Variants in MYH13 observed in about 807,000 individuals in gnomAD.
MYH13 encodes the protein myosin-13.
In MYH13, 177 loss-of-function variants were observed where a neutral mutation model predicts 232.1. That is an observed-to-expected ratio of 0.76 (90% confidence interval 0.67 to 0.86). MYH13 has a LOEUF of 0.86. MYH13 is among the 40% of genes least tolerant of loss of function. The pLI is 0.00. For synonymous variants in MYH13, 884 were observed against 923.5 expected, an observed-to-expected ratio of 0.96 and a Z score of 0.78; for missense variants, 2,246 against 2,405.9, an observed-to-expected ratio of 0.93 and a Z score of 1.39.
In MYH13 at chr17:10,312,173, C is replaced by T. The variant is rs1308917776; in HGVS notation, c.4366-97G>A. 2.0e-5 allele frequency: 28 copies of T among 1,367,368 alleles called. No homozygotes were observed. In the East Asian group the frequency reaches 4.0e-4, roughly 20 times the overall value. 84.7% of individuals were successfully genotyped at this position (1,367,368 alleles called of 1,614,324 possible). ...GCTGTCAGTAACACCAACGTTTTGC[C>T]CTTCCATCCTTAGGGACTGAAGAAG... is the stretch of plus-strand genomic sequence containing the variant. On this transcript the variant is annotated intron_variant, in intron 31 of 40. Transcript: ENST00000252172.
intron 21 of MYH13, among the ~76,000 whole-genome samples, chr17:10,329,962 T>G (rs1022415215): frequency 2.7e-5 from 4 of 150,150 alleles, no homozygotes; most frequent in African/African-American, 7.4e-5. Context: ...ATTGTGCCAC[T>G]GCACTCCAGC....
Position 10,306,178 on chromosome 17 carries a change from T to A in MYH13, c.5466+281A>T, listed in dbSNP as rs1906274188. On this transcript the variant is annotated intron_variant, in intron 37 of 40. Coordinates refer to ENST00000252172, the MANE Select transcript of MYH13 (RefSeq NM_003802.3). The surrounding 1 kb of genome is among the most constrained non-coding windows in gnomAD (Gnocchi z 4.3). ...AATGGAATGTGAACATTAACATACA[T>A]CATTATATTACATTTACTGAGGTGT... Among the ~76,000 whole-genome samples the A allele has an allele frequency of 6.6e-6, 1 of 151,716 alleles. No homozygotes were observed. Among genetic ancestry groups the A allele is most frequent in the African/African-American group, 2.4e-5 (1 of 41,284 alleles).
intron 22 of MYH13, 76 bp from the exon 23 acceptor site, chr17:10,324,340 A>G: frequency 1.9e-6 from 3 of 1,564,122 alleles, no homozygotes; most frequent in Admixed American, 1.8e-5. Context: ...CACCCTCTAA[A>G]AGCTTATTAT....
chr17:10,312,020 A>G lies in MYH13; in HGVS notation c.4422T>C (p.Ala1474=), dbSNP rs1906524093. 1 of 1,613,830 alleles carries G rather than the reference A, an allele frequency of 6.2e-7. No homozygotes were observed. Among genetic ancestry groups the G allele is most frequent in the Admixed American group, 1.7e-5 (1 of 59,998 alleles). ...TGCTGAGTGACCTGGACTCCTTCTG[A>G]GCAGCTTCCAACTCAGCCTGGCTTT... is the stretch of plus-strand genomic sequence containing the variant. The part of the protein sequence containing the change: ...LDESQAELEA[A]QKESRSLSTE... Residue 1474 remains alanine, a synonymous_variant, in exon 32 of 41, where the codon GCT becomes GCC. Coordinates refer to ENST00000252172, the MANE Select transcript of MYH13 (RefSeq NM_003802.3).
intron 8 of MYH13, among the ~76,000 whole-genome samples, chr17:10,356,094 T>C (rs1040741064): frequency 2.6e-5 from 4 of 152,172 alleles, no homozygotes; most frequent in Non-Finnish European, 4.4e-5. Context: ...ATCTGCTTAA[T>C]TGGTCCTCAA....
chr17:10,349,098 C>CTCTT (rs956649704), intron 12 of MYH13, among the ~76,000 whole-genome samples: 4 of 147,942 alleles, frequency 2.7e-5, no homozygotes, highest in African/African-American at 9.9e-5. Flanking sequence ...CTCTCTCTTT[C>CTCTT]TCTTTCTTTC....
chr17:10,336,085 G>A (rs1183709124), intron 18 of MYH13, among the ~76,000 whole-genome samples: 2 of 152,140 alleles, frequency 1.3e-5, no homozygotes, highest in Non-Finnish European at 2.9e-5. Flanking sequence ...GGGGGAGACT[G>A]AGGCCCAGAG....
intron 32 of MYH13, 85 bp from the exon 33 acceptor site, chr17:10,311,312 G>A (rs1906501934): frequency 4.0e-6 from 6 of 1,494,552 alleles, no homozygotes; most frequent in East Asian, 2.3e-5. Context: ...AGGGATGGGC[G>A]ATTCATTCAT....
At chr17:10,322,698 G>GGA (rs1567660812) in intron 23 of MYH13, among the ~76,000 whole-genome samples, 1 of 140,218 alleles carries the variant, frequency 7.1e-6, no homozygotes, top group Admixed American at 7.6e-5. Flanking sequence ...CAGTGGCGCA[G>GGA]TCTCAGCTCA....
rs1257496548 is a variant in MYH13 at position 10,364,505 on chromosome 17, A to C, written c.26T>G (p.Ile9Ser). ...GAGGTAGGGAGCTGCTTCTCCAAAAATGGCCATTTCTGCGTCAGAGCTCAT... is the reference window on the plus strand; with the variant it reads ...GAGGTAGGGAGCTGCTTCTCCAAAACTGGCCATTTCTGCGTCAGAGCTCAT... MSSDAEMAIFGEAAPYLRK... is the reference protein window; with the variant it reads MSSDAEMASFGEAAPYLRK... Residue 9 changes from isoleucine (I) to serine (S), a missense_variant, in exon 3 of 41, where the codon ATT (isoleucine) becomes AGT (serine). Transcript: ENST00000252172. 6.2e-7 allele frequency: 1 copy of C among 1,604,426 alleles called. No individual in the cohort carries two copies. Among genetic ancestry groups the C allele is most frequent in the South Asian group, 1.1e-5 (1 of 89,192 alleles).
chr17:10,328,179 C>G, intron 21 of MYH13, 58 bp from the exon 22 acceptor site: 2 of 1,585,048 alleles, frequency 1.3e-6, no homozygotes, highest in Non-Finnish European at 1.7e-6. Flanking sequence ...CTCTGCACCC[C>G]CAACCTGTCC....
In MYH13 at chr17:10,329,949, G is replaced by A. The variant is rs1236015701; in HGVS notation, c.2435+438C>T. ...TGGAAGCTGGAGATTGCAGTGAGCCGAGATTGTGCCACTGCACTCCAGCCT... is the reference window on the plus strand; with the variant it reads ...TGGAAGCTGGAGATTGCAGTGAGCCAAGATTGTGCCACTGCACTCCAGCCT... On this transcript the variant is annotated intron_variant, in intron 21 of 40. Coordinates refer to ENST00000252172, the MANE Select transcript of MYH13 (RefSeq NM_003802.3). 2.6e-5 allele frequency among the ~76,000 whole-genome samples: 4 copies of A among 151,496 alleles called. No homozygotes were observed. The East Asian group carries it at 5.8e-4, about 22-fold the overall frequency.
Position 10,332,153 on chromosome 17 carries a change from C to A in MYH13, c.2244G>T (p.Lys748Asn), listed in dbSNP as rs1356440869. The change falls in exon 20 of 41, where the codon AAG (lysine) becomes AAT (asparagine). Residue 748 changes from lysine to asparagine, a missense_variant. Transcript: ENST00000252172. ...QFIDSKNASE[K>N]LLNSIDVDRE... The stretch of plus-strand genomic sequence containing the variant: ...GGTCCACATCGATGGAGTTGAGGAG[C>A]TTCTCTGAGGCATTTTTGCTGTCAA... 2.5e-6 allele frequency: 4 copies of A among 1,613,898 alleles called. No homozygotes were observed. The highest frequency in any genetic ancestry group is 3.4e-6 in the Non-Finnish European group (4 of 1,179,898).
In MYH13 at chr17:10,346,786, G is replaced by A; in HGVS notation, c.1157C>T (p.Ala386Val). The change falls in exon 13 of 41, where the codon GCC (alanine) becomes GTC (valine). Residue 386 changes from alanine to valine, a missense_variant. Ala to Val is a moderately conservative substitution (Grantham distance 64, BLOSUM62 0). Transcript: ENST00000252172. ...EPDGTEVADK[A>V]GYLMGLNSAE... ...AGAATTCAGTCCCATCAGGTATCCGGCTTTGTCAGCCACTGAAGGAAGAGA... is the reference window on the plus strand; with the variant it reads ...AGAATTCAGTCCCATCAGGTATCCGACTTTGTCAGCCACTGAAGGAAGAGA... The A allele has an allele frequency of 6.2e-7, 1 of 1,613,594 alleles. No individual in the cohort carries two copies. The highest frequency in any genetic ancestry group is 8.5e-7 in the Non-Finnish European group (1 of 1,179,678).
intron 21 of MYH13, 99 bp downstream of exon 21, chr17:10,330,288 A>G: frequency 1.3e-6 from 2 of 1,497,256 alleles, no homozygotes; most frequent in Non-Finnish European, 9.0e-7. Flanking sequence ...TGAAGGAAAG[A>G]GAGCAAGCAC....
At chr17:10,316,241 A>T (rs1483782853) in intron 27 of MYH13, among the ~76,000 whole-genome samples, 1 of 152,218 alleles carries the variant, frequency 6.6e-6, no homozygotes, top group Non-Finnish European at 1.5e-5. Flanking sequence ...AGGGTGGATC[A>T]CCTGAGGTCA....
At chr17:10,344,710 A>T (rs2071647779) in intron 15 of MYH13, among the ~76,000 whole-genome samples, 1 of 149,984 alleles carries the variant, frequency 6.7e-6, no homozygotes, top group Admixed American at 6.7e-5. Context: ...AGTCCCAACT[A>T]TTCAGGAGGT....
chr17:10,309,422 G>C lies in MYH13; in HGVS notation c.4981C>G (p.Leu1661Val), dbSNP rs1906417220. ...QGQLKDSQLH[L>V]DDALRSNEDL... Reference sequence around the variant, plus strand: ...TCATTGCTCCTCAGGGCGTCATCGAGATGCAGCTGGGAGTCCTGCAGGGGA... The same window carrying C: ...TCATTGCTCCTCAGGGCGTCATCGACATGCAGCTGGGAGTCCTGCAGGGGA... The change falls in exon 35 of 41, where the codon CTC (leucine) becomes GTC (valine). Residue 1661 changes from leucine (L) to valine (V), a missense_variant. By Grantham distance (32) the Leu-to-Val change is conservative (BLOSUM62 1). Coordinates refer to ENST00000252172, the MANE Select transcript of MYH13 (RefSeq NM_003802.3). The C allele has an allele frequency of 6.2e-7, 1 of 1,604,264 alleles. No homozygotes were observed. Among genetic ancestry groups the C allele is most frequent in the East Asian group, 2.2e-5 (1 of 44,448 alleles).
At chr17:10,358,139 G>C (rs1243333273) in intron 7 of MYH13, among the ~76,000 whole-genome samples, 1 of 152,054 alleles carries the variant, frequency 6.6e-6, no homozygotes, top group African/African-American at 2.4e-5. Flanking sequence ...TATAAATCAT[G>C]GATTTTTATA....
Sources: gnomAD v4.1 joint callset for allele counts (sites outside exome capture counted in the v4.1 genomes callset) on GRCh38, gnomAD v4.1.1 for gene constraint, Gnocchi (gnomAD v3.1) non-coding constraint, MANE v1.5 for transcripts, NCBI Gene and HGNC (gene_info 2026-07-23, HGNC 2026-07-21) for gene names.